ADGRL3: variants seen among roughly 807,000 people sequenced by gnomAD.
ADGRL3 encodes adhesion G protein-coupled receptor L3.
In ADGRL3, 62 loss-of-function variants were observed where a neutral mutation model predicts 153.5. The observed-to-expected ratio is 0.40, with a 90% CI of 0.33 to 0.50. The LOEUF is 0.50. ADGRL3 is among the 20% of genes least tolerant of loss of function. The pLI is 0.47. For synonymous variants in ADGRL3, 710 were observed against 672.5 expected (o/e 1.06, Z -0.86); for missense variants, 1,641 against 1,859.4 (o/e 0.88, Z 2.16).
At chr4:61,483,141 T>C (rs1440031994) in intron 2 of ADGRL3, among the ~76,000 whole-genome samples, 2 of 152,158 alleles carry the variant, frequency 1.3e-5, no homozygotes, top group East Asian at 3.9e-4. Flanking sequence ...CTTTTTCAAG[T>C]GCTGTTCTTT....
At chr4:61,716,095 G>A (rs531659585) in intron 6 of ADGRL3, among the ~76,000 whole-genome samples, 4 of 151,954 alleles carry the variant, frequency 2.6e-5, no homozygotes, top group Middle Eastern at 3.4e-3. Context: ...TCAAATGGAA[G>A]CAAATTAGAT....
chr4:61,396,528 T>G (rs148345634), intron 2 of ADGRL3, among the ~76,000 whole-genome samples: 214 of 152,066 alleles, frequency 1.4e-3, no homozygotes, highest in African/African-American at 5.0e-3. Context: ...ATTGCCAACT[T>G]GATTCAGTCG....
Position 61,733,101 on chromosome 4 carries a change from A to C in ADGRL3, c.946A>C (p.Asn316His). 1 of 1,613,562 alleles carries C rather than the reference A, an allele frequency of 6.2e-7. No homozygotes were observed. Among genetic ancestry groups the C allele is most frequent in the Non-Finnish European group, 8.5e-7 (1 of 1,179,764 alleles). Reference sequence around the variant, plus strand: ...TGGAGAGGCTATCATAGCAAATGCCAATTACCATGATACCTCCCCTTACCG... The same window carrying C: ...TGGAGAGGCTATCATAGCAAATGCCCATTACCATGATACCTCCCCTTACCG... The part of the protein sequence containing the change: ...KSGEAIIANA[N>H]YHDTSPYRWG... The change falls in exon 8 of 27, where the codon AAT becomes CAT. Residue 316 changes from asparagine to histidine, a missense_variant. Asn to His is a moderately conservative substitution (Grantham distance 68, BLOSUM62 1). This residue lies in a region of ADGRL3 where 213 missense variants were observed against 362.1 expected (regional missense o/e 0.59). Transcript: ENST00000683033.
At chr4:61,649,946 A>G (rs1422072346) in intron 5 of ADGRL3, among the ~76,000 whole-genome samples, 1 of 152,196 alleles carries the variant, frequency 6.6e-6, no homozygotes, top group African/African-American at 2.4e-5. Flanking sequence ...TAGAAGTGAC[A>G]AAGATTTACT....
intron 5 of ADGRL3, among the ~76,000 whole-genome samples, chr4:61,611,110 G>A (rs564137457): frequency 6.6e-5 from 10 of 152,244 alleles, no homozygotes; most frequent in African/African-American, 2.4e-4. Context: ...TTGTCCATAT[G>A]CGTTTTTCAG....
chr4:61,420,243 A>T (rs1402871143), intron 2 of ADGRL3: 1 of 152,026 alleles, frequency 6.6e-6, no homozygotes, highest in African/African-American at 2.4e-5. Flanking sequence ...AGTATTTTTA[A>T]TTGAGCAAAA....
At chr4:61,352,924 G>A (rs775797878) in intron 1 of ADGRL3, among the ~76,000 whole-genome samples, 2 of 152,126 alleles carry the variant, frequency 1.3e-5, no homozygotes, top group Non-Finnish European at 2.9e-5. Context: ...TGATAGATAT[G>A]AATTGAAAAT....
rs35035562 is a variant in ADGRL3, at chr4:61,216,233, TGAA to T, written c.-240+14471_-240+14473del. Among the ~76,000 whole-genome samples the T allele has an allele frequency of 2.7e-4, 41 of 152,316 alleles. No individual in the cohort carries two copies. The East Asian group carries it at 7.9e-3, about 29-fold the overall frequency. ...ATGGCTTAAAGAGAAAGTGACATAA[TGAA>T]GATGTTTTGCATGATTTGAAACCAT... On this transcript the variant is annotated intron_variant, in intron 1 of 26. Transcript: ENST00000683033.
At chr4:62,064,131 A>G (rs1205389445) in intron 25 of ADGRL3, among the ~76,000 whole-genome samples, 11 of 152,096 alleles carry the variant, frequency 7.2e-5, no homozygotes, top group Non-Finnish European at 2.9e-5. Flanking sequence ...ATTACATTGA[A>G]CTAAGCAGTG....
chr4:61,613,155 C>T (rs2091583870), intron 5 of ADGRL3, among the ~76,000 whole-genome samples: 1 of 152,160 alleles, frequency 6.6e-6, no homozygotes, highest in Admixed American at 6.5e-5. Context: ...ATCCTATCAT[C>T]TCCTGCCGTG....
At chr4:61,269,065 A>G (rs1433622111) in intron 1 of ADGRL3, among the ~76,000 whole-genome samples, 2 of 151,624 alleles carry the variant, frequency 1.3e-5, no homozygotes, top group African/African-American at 4.8e-5. Context: ...TTACTTTAGT[A>G]TTTATTCAAT....
chr4:61,668,352 G>A (rs757141450), intron 5 of ADGRL3, among the ~76,000 whole-genome samples: 7 of 152,174 alleles, frequency 4.6e-5, no homozygotes, highest in African/African-American at 7.2e-5. Flanking sequence ...CAGCATCTTG[G>A]TTTTAGCAAG....
At chr4:61,452,916 CTAGT>C (rs1168943401) in intron 2 of ADGRL3, among the ~76,000 whole-genome samples, 9 of 151,944 alleles carry the variant, frequency 5.9e-5, no homozygotes, top group Non-Finnish European at 1.3e-4. Context: ...ATTGTATAGA[CTAGT>C]TAGGAAATAC....
At chr4:61,987,629 G>A (rs2099090417) in intron 19 of ADGRL3, among the ~76,000 whole-genome samples, 1 of 152,074 alleles carries the variant, frequency 6.6e-6, no homozygotes, top group Admixed American at 6.6e-5. Context: ...ATAGTCCACA[G>A]CCTATAATAA....
At chr4:61,318,440 C>T (rs2150701217) in intron 1 of ADGRL3, among the ~76,000 whole-genome samples, 1 of 152,152 alleles carries the variant, frequency 6.6e-6, no homozygotes, top group Non-Finnish European at 1.5e-5. Context: ...TAATATCTGC[C>T]TTGCCTTTAT....
chr4:61,263,102 A>G (rs2092639806), intron 1 of ADGRL3, among the ~76,000 whole-genome samples: 1 of 152,102 alleles, frequency 6.6e-6, no homozygotes, highest in Admixed American at 6.6e-5. Context: ...TATTAAGTAG[A>G]TAACGAATAG....
At chr4:61,522,312 G>A (rs1038735853) in intron 4 of ADGRL3, among the ~76,000 whole-genome samples, 2 of 152,036 alleles carry the variant, frequency 1.3e-5, no homozygotes, top group Non-Finnish European at 2.9e-5. Context: ...TTTTGAGAAT[G>A]CCTCAAAAAT....
intron 25 of ADGRL3, among the ~76,000 whole-genome samples, chr4:62,058,903 G>A (rs751616267): frequency 1.1e-4 from 16 of 152,130 alleles, no homozygotes; most frequent in Non-Finnish European, 8.8e-5. Context: ...AAACAGAATA[G>A]ACTTCAGCTA....
chr4:61,601,510 T>G (rs2099011491), intron 5 of ADGRL3, among the ~76,000 whole-genome samples: 1 of 152,216 alleles, frequency 6.6e-6, no homozygotes, highest in Non-Finnish European at 1.5e-5. Context: ...TTGGTCATAG[T>G]TTTGGGAACA....
Sources: allele counts gnomAD v4.1 joint callset (sites outside exome capture counted in the v4.1 genomes callset), GRCh38; gene constraint gnomAD v4.1.1; regional missense constraint gnomAD v4.1.1; transcripts MANE v1.5; gene names NCBI Gene and HGNC (gene_info 2026-07-23, HGNC 2026-07-21).